Variants in IMMP2L observed in about 807,000 individuals in gnomAD.
IMMP2L encodes mitochondrial inner membrane protease subunit 2.
IMMP2L carries 18 observed loss-of-function variants against 19.3 expected under a neutral mutation model. The observed-to-expected ratio is 0.93, with a 90% CI of 0.64 to 1.38. The LOEUF (loss-of-function observed/expected upper bound fraction) is 1.38. Among genes scored for constraint, IMMP2L ranks in the 40% most tolerant of loss-of-function variants. The pLI is 0.00. For missense variants in IMMP2L, 233 were observed against 218.2 expected, an observed-to-expected ratio of 1.07 and a Z score of -0.43; for synonymous variants, 76 against 73.0, an observed-to-expected ratio of 1.04 and a Z score of -0.21.
At chr7:111,036,277 G>A (rs1055826525) in intron 3 of IMMP2L, among the ~76,000 whole-genome samples, 2 of 151,994 alleles carry the variant, frequency 1.3e-5, no homozygotes, top group African/African-American at 4.8e-5. Context: ...AATGACAAGA[G>A]ACGCACTGTG....
intron 3 of IMMP2L, among the ~76,000 whole-genome samples, chr7:110,999,734 C>A (rs1823455092): frequency 6.6e-6 from 1 of 152,036 alleles, no homozygotes; most frequent in Admixed American, 6.6e-5. Flanking sequence ...ATAGGCCTGG[C>A]AATCACTGGT....
At chr7:111,510,979 GCAGA>G (rs71707385) in intron 2 of IMMP2L, among the ~76,000 whole-genome samples, 13,802 of 152,082 alleles carry the variant, frequency 0.091, 773 homozygotes, top group African/African-American at 0.14. Context: ...CCTTCAGCCA[GCAGA>G]CAGAGGAGAG....
intron 5 of IMMP2L, among the ~76,000 whole-genome samples, chr7:110,837,354 G>A (rs1409354531): frequency 6.6e-6 from 1 of 151,860 alleles, no homozygotes; most frequent in Non-Finnish European, 1.5e-5. Context: ...GAAAAGAGGG[G>A]AAGGAAACAA....
intron 5 of IMMP2L, among the ~76,000 whole-genome samples, chr7:110,883,817 A>G (rs1367454700): frequency 6.6e-6 from 1 of 152,064 alleles, no homozygotes; most frequent in Non-Finnish European, 1.5e-5. Flanking sequence ...TATGCAGGAA[A>G]CAGTGAAAGT....
At chr7:111,276,082 T>C (rs571688958) in intron 3 of IMMP2L, among the ~76,000 whole-genome samples, 1 of 152,212 alleles carries the variant, frequency 6.6e-6, no homozygotes, top group African/African-American at 2.4e-5. Flanking sequence ...AGCTGTGGGT[T>C]TGTCTTATAT....
At position 110,674,823 on chromosome 7, in the gene IMMP2L, A is replaced by G. The variant is rs1324899603; in HGVS notation, c.409-11102T>C. On this transcript the variant is annotated intron_variant, in intron 5 of 5. Transcript: ENST00000405709. ...TACTCTACTCTCAGGGCCTCTCCAG[A>G]GCACCTACAACAGGACATACCATAT... 2.0e-5 allele frequency among the ~76,000 whole-genome samples: 3 copies of G among 152,142 alleles called. No homozygotes were observed. In the East Asian group the frequency reaches 5.8e-4, roughly 29 times the overall value.
At chr7:110,837,953 T>C (rs1554432724) in intron 5 of IMMP2L, among the ~76,000 whole-genome samples, 1 of 152,164 alleles carries the variant, frequency 6.6e-6, no homozygotes, top group Non-Finnish European at 1.5e-5. Context: ...AAAGACTATG[T>C]AAGAACATAT....
chr7:111,486,585 C>A (rs1416665978), intron 3 of IMMP2L, among the ~76,000 whole-genome samples: 1 of 148,980 alleles, frequency 6.7e-6, no homozygotes, highest in African/African-American at 2.6e-5. Context: ...TGTAAATTTA[C>A]TTTTAAAGCA....
intron 5 of IMMP2L, among the ~76,000 whole-genome samples, chr7:110,764,170 C>T (rs1038338505): frequency 2.0e-5 from 3 of 152,074 alleles, no homozygotes; most frequent in Admixed American, 2.0e-4. Context: ...AAATCATCTT[C>T]AAAGTATGCC....
chr7:110,722,927 T>C (rs1160729401), intron 5 of IMMP2L, among the ~76,000 whole-genome samples: 4 of 152,122 alleles, frequency 2.6e-5, no homozygotes, highest in Non-Finnish European at 4.4e-5. Flanking sequence ...CATGAGGATC[T>C]GGAGTTGGTT....
At chr7:111,534,360 T>C (rs2529492) in intron 1 of IMMP2L, among the ~76,000 whole-genome samples, 3,522 of 152,170 alleles carry the variant, frequency 0.023, 141 homozygotes, top group African/African-American at 0.08. Flanking sequence ...CTTGAGATTC[T>C]CCTCCAAAAA....
intron 3 of IMMP2L, among the ~76,000 whole-genome samples, chr7:110,972,313 T>C (rs1040416289): frequency 4.6e-5 from 7 of 152,280 alleles, no homozygotes; most frequent in African/African-American, 1.7e-4. Context: ...AGTTTTTCTA[T>C]ATATTTAATT....
chr7:111,035,459 G>A (rs1013623286), intron 3 of IMMP2L, among the ~76,000 whole-genome samples: 1 of 152,138 alleles, frequency 6.6e-6, no homozygotes, highest in African/African-American at 2.4e-5. Context: ...TGGTTGGAAT[G>A]AGACCTTAAA....
At chr7:111,231,502 T>C (rs1410321426) in intron 3 of IMMP2L, among the ~76,000 whole-genome samples, 1 of 151,986 alleles carries the variant, frequency 6.6e-6, no homozygotes, top group Admixed American at 6.6e-5. Context: ...ACTTCTCCAA[T>C]GAGGTCCTCC....
chr7:110,957,210 T>C (rs1326305299), intron 4 of IMMP2L, among the ~76,000 whole-genome samples: 1 of 151,954 alleles, frequency 6.6e-6, no homozygotes, highest in Non-Finnish European at 1.5e-5. Flanking sequence ...TTTTACAACA[T>C]TTATTTGTAA....
intron 3 of IMMP2L, among the ~76,000 whole-genome samples, chr7:111,040,785 T>C (rs896184059): frequency 6.7e-6 from 1 of 150,276 alleles, no homozygotes; most frequent in Non-Finnish European, 1.5e-5. Context: ...TAAAATCTAA[T>C]ATTAAATCTA....
chr7:110,906,861 T>C (rs1210378863), intron 4 of IMMP2L, among the ~76,000 whole-genome samples: 1 of 152,138 alleles, frequency 6.6e-6, no homozygotes, highest in African/African-American at 2.4e-5. Flanking sequence ...TGACTGATAG[T>C]GAAGCCAGAT....
chr7:111,006,758 A>C (rs1824329455), intron 3 of IMMP2L, among the ~76,000 whole-genome samples: 1 of 152,066 alleles, frequency 6.6e-6, no homozygotes, highest in Non-Finnish European at 1.5e-5. Flanking sequence ...CTCTCTTTCT[A>C]AAATTCCATT....
intron 3 of IMMP2L, among the ~76,000 whole-genome samples, chr7:110,996,903 T>A (rs1381239919): frequency 6.6e-6 from 1 of 152,106 alleles, no homozygotes; most frequent in East Asian, 1.9e-4. Flanking sequence ...TGTGTGTGTA[T>A]GTATGCGTTG....
Sources: gnomAD v4.1 joint callset for allele counts (sites outside exome capture counted in the v4.1 genomes callset) on GRCh38, gnomAD v4.1.1 for gene constraint, MANE v1.5 for transcripts, NCBI Gene and HGNC (gene_info 2026-07-23, HGNC 2026-07-21) for gene names.